The following PNLIPRP1 variants were observed in gnomAD, a reference collection of about 807,000 sequenced individuals.
PNLIPRP1 encodes pancreatic lipase related protein 1.
Under a neutral mutation model 54.6 loss-of-function variants are expected in PNLIPRP1, and 57 were observed. The ratio of observed to expected loss-of-function variants is 1.04; its 90% CI spans 0.84 to 1.30. PNLIPRP1 has a LOEUF of 1.30. Ranked by LOEUF, PNLIPRP1 falls within the 50% of genes most tolerant of loss-of-function variation. The pLI, the probability that PNLIPRP1 is intolerant of heterozygous loss-of-function variation, is 0.00. For missense variants in PNLIPRP1, 567 were observed against 568.5 expected, an observed-to-expected ratio of 1.00 and a Z score of 0.03; for synonymous variants, 232 against 208.8, an observed-to-expected ratio of 1.11 and a Z score of -0.96.
intron 6 of PNLIPRP1, among the ~76,000 whole-genome samples, chr10:116,596,621 A>AAATGCAG (rs1847742607): frequency 6.6e-6 from 1 of 152,140 alleles, no homozygotes; most frequent in Non-Finnish European, 1.5e-5. Context: ...GCACCCAGGA[A>AAATGCAG]AATGCAGAGT....
intron 4 of PNLIPRP1, chr10:116,594,208 T>C (rs1847692949): frequency 4.9e-6 from 2 of 404,356 alleles, no homozygotes; most frequent in South Asian, 3.7e-5. Flanking sequence ...CTTCAATCTC[T>C]TTTAAATCAG....
chr10:116,605,400 C>A lies in PNLIPRP1; in HGVS notation c.1187C>A (p.Pro396Gln). 6.3e-7 allele frequency: 1 copy of A among 1,582,020 alleles called. No homozygotes were observed. Among genetic ancestry groups the A allele is most frequent in the Non-Finnish European group, 8.6e-7 (1 of 1,158,700 alleles). ...TCTATTTCAAGGGGGATTCTCAAAC[C>A]AGGCTCAACCCATTCCTATGAGTTT... Reference protein sequence around the residue: ...QYSIFRGILKPGSTHSYEFDA... With the variant: ...QYSIFRGILKQGSTHSYEFDA... The change falls in exon 12 of 13, where the codon CCA (proline) becomes CAA (glutamine). Residue 396 changes from proline to glutamine, a missense_variant. By Grantham distance (76) the Pro-to-Gln change is moderately conservative (BLOSUM62 -1). Coordinates refer to ENST00000358834, the MANE Select transcript of PNLIPRP1 (RefSeq NM_006229.4).
intron 4 of PNLIPRP1, 102 bp from the exon 5 acceptor site, chr10:116,594,628 C>T (rs1847701043): frequency 2.4e-6 from 3 of 1,269,780 alleles, no homozygotes; most frequent in Admixed American, 3.5e-5. Context: ...TATCTCATGC[C>T]CTAGCTAGGA....
At chr10:116,598,196 G>A (rs782226848) in intron 8 of PNLIPRP1, 30 bp downstream of exon 8, 42 of 1,598,932 alleles carry the variant, frequency 2.6e-5, no homozygotes, top group Non-Finnish European at 3.0e-5. Flanking sequence ...AGGGGAGCAG[G>A]GCGGGTACTT....
At chr10:116,606,225 C>T (rs1246539497) in intron 12 of PNLIPRP1, among the ~76,000 whole-genome samples, 1 of 152,156 alleles carries the variant, frequency 6.6e-6, no homozygotes, top group Non-Finnish European at 1.5e-5. Context: ...TAGGTGGAGT[C>T]ACCGAGTTCA....
intron 4 of PNLIPRP1, chr10:116,593,189 CTAAGAT>C (rs1847671544): frequency 6.6e-6 from 1 of 150,812 alleles, no homozygotes; most frequent in Non-Finnish European, 1.4e-5. Context: ...AAAAAGAAAA[CTAAGAT>C]TAAGTTACTA....
At chr10:116,594,393 G>T in intron 4 of PNLIPRP1, 1 of 513,230 alleles carries the variant, frequency 1.9e-6, no homozygotes, top group East Asian at 5.3e-5. Context: ...CTGGCCACCG[G>T]AGATTGCACC....
rs1554864213 is a variant in PNLIPRP1, at chr10:116,598,077, T to C, written c.725T>C (p.Leu242Pro). ...GGAACGAACCAACAGATGGGTCATC[T>C]TGACTTCTTCCCCAATGGAGGAGAG... is the stretch of plus-strand genomic sequence containing the variant. ...GFGTNQQMGH[L>P]DFFPNGGESM... Residue 242 changes from leucine to proline, a missense_variant, in exon 8 of 13, where the codon CTT (leucine) becomes CCT (proline). Leu to Pro is a moderately conservative substitution (Grantham distance 98). Coordinates refer to ENST00000358834, the MANE Select transcript of PNLIPRP1 (RefSeq NM_006229.4). 1 of 1,614,168 alleles carries C rather than the reference T, an allele frequency of 6.2e-7. No homozygotes were observed. Among genetic ancestry groups the C allele is most frequent in the East Asian group, 2.2e-5 (1 of 44,884 alleles).
chr10:116,605,332 G>T, intron 11 of PNLIPRP1, 54 bp from the exon 12 acceptor site: 1 of 1,013,188 alleles, frequency 9.9e-7, no homozygotes, highest in South Asian at 2.0e-5. Context: ...GGCATTGTAT[G>T]GTAATTAGAA....
At chr10:116,606,459 G>A (rs965954215) in intron 12 of PNLIPRP1, among the ~76,000 whole-genome samples, 21 of 152,188 alleles carry the variant, frequency 1.4e-4, no homozygotes, top group East Asian at 3.9e-4. Context: ...CGGGCTGGTC[G>A]GGAGCCCTGT....
intron 4 of PNLIPRP1, chr10:116,593,954 CAAAAAA>C (rs57786929): frequency 2.1e-4 from 20 of 94,580 alleles, no homozygotes; most frequent in South Asian, 1.2e-3. Context: ...GAGGCTGTCT[CAAAAAA>C]AAAAAAAAAA....
intron 8 of PNLIPRP1, among the ~76,000 whole-genome samples, chr10:116,599,612 G>A (rs1262287343): frequency 6.6e-6 from 1 of 152,188 alleles, no homozygotes; most frequent in East Asian, 1.9e-4. Flanking sequence ...TCATGTCTTT[G>A]AGGACCTCCA....
chr10:116,594,667 T>C, intron 4 of PNLIPRP1, 63 bp from the exon 5 acceptor site: 1 of 1,594,930 alleles, frequency 6.3e-7, no homozygotes, highest in East Asian at 2.2e-5. Context: ...TTCTGAGCCC[T>C]GGCTGGATAA....
At chr10:116,596,049 T>C in intron 5 of PNLIPRP1, 165 bp from the exon 6 acceptor site, 2 of 630,230 alleles carry the variant, frequency 3.2e-6, no homozygotes, top group Admixed American at 2.7e-5. Context: ...GAAAAATAGA[T>C]GATGAGTTAG....
At chr10:116,608,571 T>C (rs782460390) in intron 12 of PNLIPRP1, among the ~76,000 whole-genome samples, 11 of 152,250 alleles carry the variant, frequency 7.2e-5, no homozygotes, top group Non-Finnish European at 1.0e-4. Context: ...TCCTGTAATG[T>C]AGAACTAATC....
At chr10:116,594,940 A>G in intron 5 of PNLIPRP1, 76 bp downstream of exon 5, 1 of 1,522,560 alleles carries the variant, frequency 6.6e-7, no homozygotes. Flanking sequence ...TGCAGCTGAG[A>G]GTTATGGATT....
At chr10:116,602,065 G>C (rs3010499) in intron 10 of PNLIPRP1, among the ~76,000 whole-genome samples, 42,274 of 150,114 alleles carry the variant, frequency 0.28, 7,136 homozygotes, top group Non-Finnish European at 0.37. Context: ...GCCCAGGCTG[G>C]AGTGCAGAGG....
intron 12 of PNLIPRP1, among the ~76,000 whole-genome samples, chr10:116,606,031 C>G (rs1210625699): frequency 6.6e-6 from 1 of 152,140 alleles, no homozygotes; most frequent in Non-Finnish European, 1.5e-5. Flanking sequence ...TGGCTTTGGG[C>G]CTGAATAAGC....
intron 2 of PNLIPRP1, 89 bp downstream of exon 2, chr10:116,591,267 C>T: frequency 1.0e-6 from 1 of 952,896 alleles, no homozygotes; most frequent in Non-Finnish European, 1.6e-6. Flanking sequence ...GGCAGGGCTC[C>T]CAGCAGCTCC....
Sources: allele counts gnomAD v4.1 joint callset (sites outside exome capture counted in the v4.1 genomes callset), GRCh38; gene constraint gnomAD v4.1.1; transcripts MANE v1.5; gene names NCBI Gene and HGNC (gene_info 2026-07-23, HGNC 2026-07-21).